The following GRIA2 variants were observed in gnomAD, a reference collection of about 807,000 sequenced individuals.
The protein encoded by GRIA2 is glutamate receptor 2.
A neutral mutation model predicts 97.3 loss-of-function variants in GRIA2; 14 were observed. The observed-to-expected ratio is 0.14, with a 90% CI of 0.10 to 0.23. The LOEUF (loss-of-function observed/expected upper bound fraction) is 0.23. GRIA2 is among the 10% of genes least tolerant of loss of function. GRIA2 has a pLI of 1.00. For synonymous variants in GRIA2, 412 were observed against 387.8 expected, an observed-to-expected ratio of 1.06 and a Z score of -0.73; for missense variants, 558 against 1,069.8, an observed-to-expected ratio of 0.52 and a Z score of 6.67.
chr4:157,234,611 G>A lies in GRIA2; in HGVS notation c.229+12804G>A, dbSNP rs111559505. 8.1e-4 allele frequency among the ~76,000 whole-genome samples: 124 copies of A among 152,236 alleles called. 1 individual carries two copies. Among genetic ancestry groups the A allele is most frequent in the African/African-American group, 3.0e-3 (123 of 41,574 alleles). On this transcript the variant is annotated intron_variant, in intron 2 of 15. Coordinates refer to ENST00000264426, the MANE Select transcript of GRIA2 (RefSeq NM_001083619.3). Reference sequence around the variant, plus strand: ...ACTGATACATTTGTGCAATAAAAATGATGGTAGGTGTTTCTCACGAATAGG... The same window carrying A: ...ACTGATACATTTGTGCAATAAAAATAATGGTAGGTGTTTCTCACGAATAGG...
intron 2 of GRIA2, among the ~76,000 whole-genome samples, chr4:157,223,330 C>T (rs1560997935): frequency 6.6e-6 from 1 of 152,042 alleles, no homozygotes. Context: ...GGTTTCACTG[C>T]TATATATTTT....
At position 157,363,454 on chromosome 4, in the gene GRIA2, T is replaced by C. The variant is rs1187411267; in HGVS notation, c.*23T>C. The stretch of plus-strand genomic sequence containing the variant: ...TTTAAGATGACCTTGAATGATGCCA[T>C]GAGGAACAAGGCAAGGCTGTCAATT... On this transcript the variant is annotated 3_prime_UTR_variant, in exon 16 of 16. Transcript: ENST00000264426. 5 of 1,243,630 alleles carry C rather than the reference T, an allele frequency of 4.0e-6. No homozygotes were observed. In the African/African-American group the frequency reaches 6.2e-5, roughly 15 times the overall value. 77.0% of individuals were successfully genotyped at this position (1,243,630 alleles called of 1,614,324 possible).
intron 3 of GRIA2, among the ~76,000 whole-genome samples, chr4:157,306,662 A>G (rs1457179520): frequency 6.6e-6 from 1 of 152,198 alleles, no homozygotes; most frequent in African/African-American, 2.4e-5. Context: ...TAATACTGGC[A>G]AAAGACTTGA....
intron 11 of GRIA2, among the ~76,000 whole-genome samples, chr4:157,340,699 T>C (rs1007212735): frequency 3.9e-5 from 6 of 151,954 alleles, no homozygotes; most frequent in Non-Finnish European, 7.4e-5. Context: ...GCATTATTTT[T>C]TCCTCATTTT....
intron 12 of GRIA2, among the ~76,000 whole-genome samples, chr4:157,355,922 T>TG (rs1401943296): frequency 4.7e-5 from 1 of 21,406 alleles, no homozygotes. Context: ...TATTAATATA[T>TG]TTATATATAT....
At chr4:157,362,517 C>T in intron 14 of GRIA2, 1 of 545,264 alleles carries the variant, frequency 1.8e-6, no homozygotes, top group South Asian at 1.5e-5. Context: ...CAATTTATCA[C>T]TGCAACTGAC....
chr4:157,285,662 A>G (rs962719229), intron 2 of GRIA2, among the ~76,000 whole-genome samples: 26 of 151,368 alleles, frequency 1.7e-4, no homozygotes, highest in African/African-American at 6.0e-4. Flanking sequence ...ACTTTGCTAC[A>G]ATGCTACCTC....
chr4:157,306,658 T>A (rs1273187662), intron 3 of GRIA2, among the ~76,000 whole-genome samples: 1 of 152,204 alleles, frequency 6.6e-6, no homozygotes, highest in African/African-American at 2.4e-5. Context: ...CTCATAATAC[T>A]GGCAAAAGAC....
chr4:157,300,539 G>A (rs1042108612), intron 2 of GRIA2, among the ~76,000 whole-genome samples: 24 of 152,188 alleles, frequency 1.6e-4, no homozygotes, highest in African/African-American at 5.3e-4. Flanking sequence ...AGCACTGTTG[G>A]CCGAATGGCT....
rs1733717241 is a variant in GRIA2 at position 157,303,725 on chromosome 4, G to A, written c.403G>A (p.Ala135Thr). ...VIQMRPDLKG[A>T]LLSLIEYYQW... ...TCAGATGAGACCCGACCTCAAAGGA[G>A]CTCTCCTTAGCTTGATTGAATACTA... The change falls in exon 3 of 16, where the codon GCT becomes ACT. Residue 135 changes from alanine (A) to threonine (T), a missense_variant. Ala to Thr is a moderately conservative substitution (Grantham distance 58, BLOSUM62 0). This residue lies in a region of GRIA2 where 96 missense variants were observed against 176.6 expected (regional missense o/e 0.54). Transcript: ENST00000264426. 1.2e-6 allele frequency: 2 copies of A among 1,613,856 alleles called. No homozygotes were observed. Among genetic ancestry groups the A allele is most frequent in the Non-Finnish European group, 1.7e-6 (2 of 1,179,764 alleles).
intron 4 of GRIA2, among the ~76,000 whole-genome samples, chr4:157,313,779 A>T (rs1734191761): frequency 6.6e-6 from 1 of 151,906 alleles, no homozygotes. Flanking sequence ...ATGTACATAT[A>T]TATGTGCACA....
At chr4:157,318,422 A>T in intron 5 of GRIA2, among the ~76,000 whole-genome samples, 1 of 152,200 alleles carries the variant, frequency 6.6e-6, no homozygotes. Flanking sequence ...AATGAAAATT[A>T]AATTTCTGTA....
At chr4:157,293,700 A>C (rs187927928) in intron 2 of GRIA2, among the ~76,000 whole-genome samples, 2 of 152,254 alleles carry the variant, frequency 1.3e-5, no homozygotes, top group East Asian at 3.9e-4. Context: ...TGTAAGGGCC[A>C]AAAACAAAAT....
intron 2 of GRIA2, among the ~76,000 whole-genome samples, chr4:157,271,133 GTT>G (rs1274355451): frequency 2.0e-5 from 3 of 151,882 alleles, no homozygotes; most frequent in Non-Finnish European, 4.4e-5. Flanking sequence ...CACTTTTTCT[GTT>G]TTTTTACTCA....
chr4:157,321,592 C>T lies in GRIA2; in HGVS notation c.875C>T (p.Thr292Ile). The change falls in exon 6 of 16, where the codon ACA (threonine) becomes ATA (isoleucine). Residue 292 changes from threonine (T) to isoleucine (I), a missense_variant. Thr to Ile is a moderately conservative substitution (Grantham distance 89). Transcript: ENST00000264426. Reference protein sequence around the residue: ...EKEYPGAHTTTIKYTSALTYD... With the variant: ...EKEYPGAHTTIIKYTSALTYD... ...GAATACCCTGGAGCTCACACAACAA[C>T]AATTAAGGTTTGCTTTGGTTTCTGT... 5.6e-6 allele frequency: 9 copies of T among 1,604,974 alleles called. No individual in the cohort carries two copies. Among genetic ancestry groups the T allele is most frequent in the Non-Finnish European group, 7.7e-6 (9 of 1,175,362 alleles).
chr4:157,359,529 C>G (rs1245591008), intron 12 of GRIA2, among the ~76,000 whole-genome samples: 1 of 152,224 alleles, frequency 6.6e-6, no homozygotes, highest in Middle Eastern at 3.4e-3. Flanking sequence ...TAGGAATCGA[C>G]CATTTAGGAT....
chr4:157,258,014 G>A (rs1731354852), intron 2 of GRIA2, among the ~76,000 whole-genome samples: 1 of 152,006 alleles, frequency 6.6e-6, no homozygotes, highest in Non-Finnish European at 1.5e-5. Flanking sequence ...CACTATTCTT[G>A]TAATTTCCTA....
chr4:157,312,751 G>A lies in GRIA2; in HGVS notation c.542G>A (p.Gly181Glu). The A allele has an allele frequency of 1.9e-6, 3 of 1,608,956 alleles. No homozygotes were observed. The highest frequency in any genetic ancestry group is 2.6e-6 in the Non-Finnish European group (3 of 1,175,814). Residue 181 changes from glycine (G) to glutamate (E), a missense_variant, in exon 4 of 16, where the codon GGA becomes GAA. Physicochemically the swap from Gly to Glu is moderately conservative, Grantham distance 98. Transcript: ENST00000264426. The stretch of plus-strand genomic sequence containing the variant: ...TGGCAAGTGACTGCTATCAATGTGG[G>A]AAACATTAACAATGACAAGAAAGAT... The part of the protein sequence containing the change: ...KKWQVTAINV[G>E]NINNDKKDEM...
intron 11 of GRIA2, among the ~76,000 whole-genome samples, chr4:157,340,886 T>A (rs756955461): frequency 1.4e-4 from 21 of 152,120 alleles, no homozygotes; most frequent in Non-Finnish European, 2.2e-4. Flanking sequence ...TAAATGTTGT[T>A]ATGAGGTTTG....
Sources: allele counts gnomAD v4.1 joint callset (sites outside exome capture counted in the v4.1 genomes callset), GRCh38; gene constraint gnomAD v4.1.1; regional missense constraint gnomAD v4.1.1; transcripts MANE v1.5; gene names NCBI Gene and HGNC (gene_info 2026-07-23, HGNC 2026-07-21).